ZFAT: variants seen among roughly 807,000 people sequenced by gnomAD.
ZFAT encodes the protein zinc finger and AT-hook domain containing, also known as zinc finger protein ZFAT.
In ZFAT, 64 loss-of-function variants were observed where a neutral mutation model predicts 117.7. The ratio of observed to expected loss-of-function variants is 0.54; its 90% CI spans 0.44 to 0.67. The LOEUF (loss-of-function observed/expected upper bound fraction) is 0.67, where lower values mean the gene tolerates loss of function less well. ZFAT is among the 30% of genes least tolerant of loss of function. ZFAT has a pLI of 0.00. For synonymous variants in ZFAT, 679 were observed against 615.0 expected, an observed-to-expected ratio of 1.10 and a Z score of -1.54; for missense variants, 1,433 against 1,584.5, an observed-to-expected ratio of 0.90 and a Z score of 1.62.
intron 1 of ZFAT, among the ~76,000 whole-genome samples, chr8:134,658,005 T>A (rs1831713089): frequency 6.6e-6 from 1 of 152,154 alleles, no homozygotes; most frequent in Admixed American, 6.5e-5. Flanking sequence ...CCAAATCTAC[T>A]CATCAGCCCA....
At chr8:134,511,915 C>T (rs934408418) in intron 14 of ZFAT, among the ~76,000 whole-genome samples, 14 of 152,254 alleles carry the variant, frequency 9.2e-5, no homozygotes, top group East Asian at 1.9e-4. Context: ...ACCCCCTGCA[C>T]GCCAGAGTCT....
Position 134,478,770 on chromosome 8 carries a change from C to A in ZFAT, c.3493-49G>T. On this transcript the variant is annotated intron_variant, in intron 15 of 15. Coordinates refer to ENST00000377838, the MANE Select transcript of ZFAT (RefSeq NM_020863.4). The surrounding 1 kb of genome is among the most constrained non-coding windows in gnomAD (Gnocchi z 5.2). ...GGTCACCCAGCGCCTACTTCCCGGT[C>A]CAGCGTAACAACAAAGTCACAACTA... 6.6e-7 allele frequency: 1 copy of A among 1,524,514 alleles called. No homozygotes were observed. Among genetic ancestry groups the A allele is most frequent in the South Asian group, 1.2e-5 (1 of 82,892 alleles). The allele number at this position is 1,524,514 out of a possible 1,614,324, so 94.4% of individuals were successfully genotyped here. A position where few individuals can be genotyped will look rare whatever the true frequency, so the allele number is the denominator to read the frequency against.
the ZFAT span, among the ~76,000 whole-genome samples, chr8:134,742,356 G>A: frequency 8.5e-5 from 13 of 152,146 alleles, no homozygotes; most frequent in Non-Finnish European, 7.4e-5. Flanking sequence ...GGTCAACCAG[G>A]TGAGAGCAGC....
At chr8:134,711,073 C>T (rs1041709299) in intron 1 of ZFAT, among the ~76,000 whole-genome samples, 1 of 152,224 alleles carries the variant, frequency 6.6e-6, no homozygotes, top group Non-Finnish European at 1.5e-5. Flanking sequence ...GCTGTTCAGC[C>T]TGCATTTCTT....
chr8:134,714,120 C>CAA (rs1206014420), upstream of ZFAT, among the ~76,000 whole-genome samples: 5 of 64,632 alleles, frequency 7.7e-5, no homozygotes, highest in African/African-American at 1.9e-4. Flanking sequence ...CCCCCCCCCC[C>CAA]AAAAAAAAAA....
At chr8:134,782,778 AACCTCTTTTTCTTTATAAATT>A in the ZFAT span, among the ~76,000 whole-genome samples, 10,537 of 151,944 alleles carry the variant, frequency 0.069, 861 homozygotes, top group African/African-American at 0.2. Flanking sequence ...GAGTCCATTA[AACCTCTTTTTCTTTATAAATT>A]ACCCAGTCTC....
intron 1 of ZFAT, among the ~76,000 whole-genome samples, chr8:134,705,827 C>T (rs1024334811): frequency 3.3e-5 from 5 of 152,050 alleles, no homozygotes; most frequent in Middle Eastern, 3.4e-3. Flanking sequence ...TCGTGAGCTA[C>T]CACCCAGCCC....
intron 2 of ZFAT, among the ~76,000 whole-genome samples, chr8:134,655,969 G>A (rs1831577442): frequency 6.6e-6 from 1 of 152,158 alleles, no homozygotes; most frequent in Non-Finnish European, 1.5e-5. Context: ...TGAGAGGAAT[G>A]CTTGAGCCCA....
chr8:134,567,445 TACCA>T (rs1297121237), intron 10 of ZFAT, among the ~76,000 whole-genome samples: 4 of 142,952 alleles, frequency 2.8e-5, no homozygotes, highest in Non-Finnish European at 4.6e-5. Flanking sequence ...CATAAAACCC[TACCA>T]ACCATCCATC....
chr8:134,729,880 A>G, the ZFAT span, among the ~76,000 whole-genome samples: 1 of 152,172 alleles, frequency 6.6e-6, no homozygotes, highest in Non-Finnish European at 1.5e-5. Flanking sequence ...CGCTTACATG[A>G]ATTAATACAC....
chr8:134,635,855 A>G (rs1482295750), intron 3 of ZFAT, among the ~76,000 whole-genome samples: 1 of 152,182 alleles, frequency 6.6e-6, no homozygotes, highest in African/African-American at 2.4e-5. Flanking sequence ...AGGTTCTGAA[A>G]CACGATGCAG....
In ZFAT at chr8:134,600,495, C is replaced by CA; in HGVS notation, c.2415dup (p.Asp806Ter). The CA allele has an allele frequency of 6.2e-7, 1 of 1,614,190 alleles. No homozygotes were observed. Among genetic ancestry groups the CA allele is most frequent in the Non-Finnish European group, 8.5e-7 (1 of 1,180,044 alleles). On this transcript the variant is annotated frameshift_variant, in exon 7 of 16. Transcript: ENST00000377838. LOFTEE classifies it high-confidence loss of function. ...TTATATTTATCTGGAGTTGAGTAGT[C>CA]ACAGCCATCGGTGGGACACTTCAGC...
chr8:134,564,481 A>G (rs1824282915), intron 11 of ZFAT, among the ~76,000 whole-genome samples: 1 of 152,218 alleles, frequency 6.6e-6, no homozygotes, highest in South Asian at 2.1e-4. Flanking sequence ...ACTGCCTGGT[A>G]GGAACTCCAC....
the ZFAT span, among the ~76,000 whole-genome samples, chr8:134,824,747 T>C: frequency 6.6e-6 from 1 of 152,138 alleles, no homozygotes; most frequent in Non-Finnish European, 1.5e-5. Flanking sequence ...TCAAAATTAA[T>C]GACAAAAAAT....
chr8:134,648,312 A>C (rs1379589668), intron 2 of ZFAT, among the ~76,000 whole-genome samples: 1 of 151,938 alleles, frequency 6.6e-6, no homozygotes, highest in Non-Finnish European at 1.5e-5. Flanking sequence ...GACAGAAATA[A>C]TAATGCCTAG....
the ZFAT span, among the ~76,000 whole-genome samples, chr8:134,823,800 CTT>C: frequency 2.0e-5 from 3 of 152,158 alleles, no homozygotes; most frequent in Non-Finnish European, 4.4e-5. Context: ...TAAGATATCA[CTT>C]AAGCCATTAG....
At chr8:134,784,368 AAAGTT>A in the ZFAT span, 46 of 152,330 alleles carry the variant, frequency 3.0e-4, no homozygotes, top group African/African-American at 1.1e-3. Context: ...TATTAATGAC[AAAGTT>A]ATGTTCTTTC....
the ZFAT span, among the ~76,000 whole-genome samples, chr8:134,778,770 T>G: frequency 6.6e-6 from 1 of 152,160 alleles, no homozygotes; most frequent in African/African-American, 2.4e-5. Context: ...GGCAGGAGGA[T>G]GATGAAGCAT....
rs1455894028 is a variant in ZFAT, at chr8:134,602,188, C to A, written c.1531G>T (p.Ala511Ser). 1 of 1,613,488 alleles carries A rather than the reference C, an allele frequency of 6.2e-7. No individual in the cohort carries two copies. Residue 511 changes from alanine to serine, a missense_variant, in exon 6 of 16, where the codon GCT (alanine) becomes TCT (serine). Transcript: ENST00000377838. ...ACCAGCTGTAGCTGGTCCCCCAGAG[C>A]TTCTTGCTGGATGTCCCCACCAGGT... is the stretch of plus-strand genomic sequence containing the variant. ...LEPGGDIQQE[A>S]LGDQLQLVEE...
Sources: allele counts gnomAD v4.1 joint callset (sites outside exome capture counted in the v4.1 genomes callset), GRCh38; gene constraint gnomAD v4.1.1; non-coding constraint Gnocchi (gnomAD v3.1); transcripts MANE v1.5; gene names NCBI Gene and HGNC (gene_info 2026-07-23, HGNC 2026-07-21).